Variants in L3MBTL4 observed in about 807,000 individuals in gnomAD.
The protein encoded by L3MBTL4 is lethal(3)malignant brain tumor-like protein 4.
In L3MBTL4, 70 loss-of-function variants were observed where a neutral mutation model predicts 84.5. That is an observed-to-expected ratio of 0.83 (90% CI 0.68 to 1.01). The LOEUF is 1.01. Among genes scored for constraint, L3MBTL4 ranks in the 50% least tolerant of loss-of-function variants. The pLI, the probability that L3MBTL4 is intolerant of heterozygous loss-of-function variation, is 0.00. For synonymous variants in L3MBTL4, 274 were observed against 259.8 expected (o/e 1.05, Z -0.52); for missense variants, 715 against 754.8 (o/e 0.95, Z 0.62).
chr18:6,302,812 G>A (rs371971750), intron 3 of L3MBTL4, among the ~76,000 whole-genome samples: 1 of 151,986 alleles, frequency 6.6e-6, no homozygotes, highest in Non-Finnish European at 1.5e-5. Context: ...GTGAAAATCC[G>A]TCTCTACTAA....
rs542390914 is a variant in L3MBTL4 at position 6,254,751 on chromosome 18, A to G, written c.219+9196T>C. 3.7e-4 allele frequency among the ~76,000 whole-genome samples: 56 copies of G among 152,338 alleles called. No individual in the cohort carries two copies. The South Asian group carries it at 9.9e-3, about 27-fold the overall frequency. ...TGGCTTTCTGTGAATCCATTCTGCT[A>G]GAATTTCAATTGCAAAATCCTCATT... On this transcript the variant is annotated intron_variant, in intron 5 of 18. Coordinates refer to ENST00000317931, the MANE Select transcript of L3MBTL4 (RefSeq NM_001330559.2).
chr18:6,071,803 A>AAGAG (rs879320759), intron 16 of L3MBTL4, among the ~76,000 whole-genome samples: 33 of 119,546 alleles, frequency 2.8e-4, no homozygotes, highest in African/African-American at 7.4e-4. Flanking sequence ...GAAAGAAAGA[A>AAGAG]AAAGAAAGAA....
chr18:6,164,596 C>T (rs1356116006), intron 13 of L3MBTL4, among the ~76,000 whole-genome samples: 2 of 152,160 alleles, frequency 1.3e-5, no homozygotes, highest in Non-Finnish European at 2.9e-5. Flanking sequence ...CCAACAAACT[C>T]CAACAGACTT....
At chr18:6,217,133 TA>T (rs1184087999) in intron 10 of L3MBTL4, among the ~76,000 whole-genome samples, 1 of 152,180 alleles carries the variant, frequency 6.6e-6, no homozygotes, top group Non-Finnish European at 1.5e-5. Context: ...TGCTTTTTAA[TA>T]AAAATATATT....
intron 4 of L3MBTL4, among the ~76,000 whole-genome samples, chr18:6,297,411 A>T (rs1453362064): frequency 6.6e-6 from 1 of 152,228 alleles, no homozygotes; most frequent in Admixed American, 6.5e-5. Flanking sequence ...AGTGATGTCA[A>T]TGTTACTTAG....
chr18:6,389,655 T>G (rs2054964568), intron 1 of L3MBTL4, among the ~76,000 whole-genome samples: 1 of 152,162 alleles, frequency 6.6e-6, no homozygotes, highest in African/African-American at 2.4e-5. Flanking sequence ...GTAGCTATCC[T>G]TACATCAGAC....
intron 12 of L3MBTL4, among the ~76,000 whole-genome samples, chr18:6,205,947 C>T (rs1032939568): frequency 1.1e-4 from 16 of 152,192 alleles, no homozygotes; most frequent in African/African-American, 3.6e-4. Context: ...ATGTCTCCTC[C>T]AAAGCTAAGA....
At chr18:6,322,281 T>G (rs1377935249) in intron 1 of L3MBTL4, among the ~76,000 whole-genome samples, 1 of 151,544 alleles carries the variant, frequency 6.6e-6, no homozygotes, top group East Asian at 1.9e-4. Context: ...AAGACTTCAG[T>G]GAGCCAGGAT....
intron 1 of L3MBTL4, among the ~76,000 whole-genome samples, chr18:6,349,431 C>T (rs75409875): frequency 2.6e-5 from 4 of 152,088 alleles, no homozygotes; most frequent in African/African-American, 9.7e-5. Context: ...AAGCCAAACA[C>T]GAAAGAATAC....
At position 6,276,291 on chromosome 18, in the gene L3MBTL4, T is replaced by C. The variant is rs151247683; in HGVS notation, c.128-12253A>G. 1.8e-3 allele frequency among the ~76,000 whole-genome samples: 268 copies of C among 152,332 alleles called. 2 individuals carry two copies. Among genetic ancestry groups the C allele is most frequent in the African/African-American group, 6.2e-3 (258 of 41,584 alleles). ...TCAGGCCCATGTCATCAGGACCTCC[T>C]GAGGGCGCAGCCTTAACCTTGGCAA... On this transcript the variant is annotated intron_variant, in intron 4 of 18. Coordinates refer to ENST00000317931, the MANE Select transcript of L3MBTL4 (RefSeq NM_001330559.2).
intron 12 of L3MBTL4, among the ~76,000 whole-genome samples, chr18:6,191,100 C>T (rs1267102702): frequency 6.6e-6 from 1 of 152,074 alleles, no homozygotes; most frequent in African/African-American, 2.4e-5. Context: ...CGTAAAGGCA[C>T]AAAGATGATA....
At chr18:6,257,641 TTTTC>T (rs1299533548) in intron 5 of L3MBTL4, among the ~76,000 whole-genome samples, 1 of 149,508 alleles carries the variant, frequency 6.7e-6, no homozygotes, top group African/African-American at 2.5e-5. Flanking sequence ...TTCTTTTTCT[TTTTC>T]TTTTTTTTTT....
chr18:6,178,291 A>G (rs1005680348), intron 12 of L3MBTL4, among the ~76,000 whole-genome samples: 16 of 152,190 alleles, frequency 1.1e-4, no homozygotes, highest in Non-Finnish European at 1.9e-4. Flanking sequence ...CCCCTCCCCA[A>G]CAAGGGCTGT....
intron 16 of L3MBTL4, among the ~76,000 whole-genome samples, chr18:5,991,972 TA>T (rs1251049762): frequency 7.0e-6 from 1 of 143,182 alleles, no homozygotes; most frequent in Non-Finnish European, 1.5e-5. Flanking sequence ...TGGCCAACAG[TA>T]CATCCATCCA....
chr18:6,370,888 A>C (rs1413119417), intron 1 of L3MBTL4, among the ~76,000 whole-genome samples: 1 of 152,182 alleles, frequency 6.6e-6, no homozygotes, highest in Non-Finnish European at 1.5e-5. Context: ...TTTCATGCAC[A>C]TTTCACCAAC....
At chr18:6,303,552 A>C (rs2146853649) in intron 3 of L3MBTL4, among the ~76,000 whole-genome samples, 1 of 152,332 alleles carries the variant, frequency 6.6e-6, no homozygotes, top group South Asian at 2.1e-4. Flanking sequence ...TGATCAAAAA[A>C]TATTTCTTCA....
chr18:5,964,756 C>T (rs189962990), intron 17 of L3MBTL4, among the ~76,000 whole-genome samples: 41 of 152,210 alleles, frequency 2.7e-4, no homozygotes, highest in African/African-American at 9.6e-4. Context: ...TGAGTCATAC[C>T]TAGGGGGGTA....
chr18:6,154,426 T>C (rs2043017460), intron 13 of L3MBTL4, among the ~76,000 whole-genome samples: 1 of 152,104 alleles, frequency 6.6e-6, no homozygotes, highest in Non-Finnish European at 1.5e-5. Flanking sequence ...GGGAAAGAAA[T>C]GTACTCTAGT....
intron 1 of L3MBTL4, among the ~76,000 whole-genome samples, chr18:6,312,559 G>C (rs772775740): frequency 6.6e-6 from 1 of 151,958 alleles, no homozygotes; most frequent in African/African-American, 2.4e-5. Flanking sequence ...CAAGGGGCAA[G>C]TGGAGGCTGA....
Sources: allele counts gnomAD v4.1 joint callset (sites outside exome capture counted in the v4.1 genomes callset), GRCh38; gene constraint gnomAD v4.1.1; transcripts MANE v1.5; gene names NCBI Gene and HGNC (gene_info 2026-07-23, HGNC 2026-07-21).